NADK2: variants seen among roughly 807,000 people sequenced by gnomAD.
NADK2 encodes the protein NAD kinase 2, mitochondrial, also known as NAD kinase domain-containing protein 1, mitochondrial.
NADK2 carries 35 observed loss-of-function variants against 62.1 expected under a neutral mutation model. That is an observed-to-expected ratio of 0.56 (90% CI 0.43 to 0.75). The LOEUF is 0.75. NADK2 is among the 30% of genes least tolerant of loss of function. The probability of loss-of-function intolerance (pLI) is 0.00; values close to 1 mark genes in which losing one functional copy is unlikely to be tolerated. For synonymous variants in NADK2, 205 were observed against 207.9 expected, an observed-to-expected ratio of 0.99 and a Z score of 0.12; for missense variants, 439 against 561.3, an observed-to-expected ratio of 0.78 and a Z score of 2.20.
chr5:36,209,587 T>G (rs1003953742), intron 7 of NADK2, among the ~76,000 whole-genome samples: 13 of 152,232 alleles, frequency 8.5e-5, no homozygotes, highest in East Asian at 5.8e-4. Flanking sequence ...ATAACTAGAT[T>G]GTATCAGTAG....
chr5:36,241,032 G>A lies in NADK2; in HGVS notation c.300+467C>T, dbSNP rs965215298. On this transcript the variant is annotated intron_variant, in intron 1 of 11. Coordinates refer to ENST00000381937, the MANE Select transcript of NADK2 (RefSeq NM_001085411.3). The surrounding 1 kb of genome is among the most constrained non-coding windows in gnomAD (Gnocchi z 4.9). ...GCGGTTGTTTCGGCCCTTTTCCCCC[G>A]GCAGCCCTCAGCGGCGCCCTGGGCC... Among the ~76,000 whole-genome samples, 2 of 152,138 alleles carry A rather than the reference G, an allele frequency of 1.3e-5. No homozygotes were observed. The highest frequency in any genetic ancestry group is 1.5e-5 in the Non-Finnish European group (1 of 68,012).
intron 6 of NADK2, among the ~76,000 whole-genome samples, chr5:36,212,482 T>C (rs767677820): frequency 5.3e-5 from 8 of 152,194 alleles, no homozygotes; most frequent in Non-Finnish European, 1.0e-4. Flanking sequence ...TAGGGTTGTG[T>C]GCACAGTTAA....
Position 36,241,923 on chromosome 5 carries a change from T to C in NADK2, c.-125A>G, listed in dbSNP as rs1433863565. ...TCGCGCCGGACGGGCAGAGGTTAAG[T>C]GCCAGGACGTGCGTGGCCCACGCGG... is the stretch of plus-strand genomic sequence containing the variant. On this transcript the variant is annotated 5_prime_UTR_variant, in exon 1 of 12. Transcript: ENST00000381937. This position sits in a 1 kb window ranked among gnomAD's most constrained non-coding sequence, Gnocchi z 4.9. The C allele has an allele frequency of 2.5e-6, 2 of 797,600 alleles. No homozygotes were observed. Among genetic ancestry groups the C allele is most frequent in the Admixed American group, 5.6e-5 (1 of 17,810 alleles). The allele number at this position is 797,600 out of a possible 1,614,324, so 49.4% of individuals were successfully genotyped here. A position where few individuals can be genotyped will look rare whatever the true frequency, so the allele number is the denominator to read the frequency against.
chr5:36,197,913 T>TG (rs1003582750), intron 10 of NADK2, among the ~76,000 whole-genome samples: 12 of 151,718 alleles, frequency 7.9e-5, no homozygotes, highest in African/African-American at 2.9e-4. Flanking sequence ...TAGGTACAAC[T>TG]GGGGAAAAAG....
Position 36,241,631 on chromosome 5 carries a change from C to A in NADK2, c.168G>T (p.Ala56=), listed in dbSNP as rs1748130103. The change falls in exon 1 of 12, where the codon GCG becomes GCT. Residue 56 remains alanine, a synonymous_variant. Transcript: ENST00000381937. This position sits in a 1 kb window ranked among gnomAD's most constrained non-coding sequence, Gnocchi z 4.9. ...CGCCGTCCGCGCGGCTGCCACAGCC[C>A]GCCAGCTCGCGCGGCTGCCCCTGCC... The part of the protein sequence containing the change: ...HLGQGQPREL[A]GCGSRADGGF... 2 of 1,461,196 alleles carry A rather than the reference C, an allele frequency of 1.4e-6. No individual in the cohort carries two copies. Among genetic ancestry groups the A allele is most frequent in the Non-Finnish European group, 1.8e-6 (2 of 1,110,910 alleles). 90.5% of individuals were successfully genotyped at this position (1,461,196 alleles called of 1,614,324 possible).
Position 36,200,734 on chromosome 5 carries a change from T to C in NADK2, c.1012+372A>G, listed in dbSNP as rs115538140. 4.4e-3 allele frequency among the ~76,000 whole-genome samples: 668 copies of C among 152,124 alleles called. 7 individuals carry two copies. The highest frequency in any genetic ancestry group is 0.015 in the African/African-American group (630 of 41,524). ...ACTGGCCCATTAGTCACTTAGTAGC[T>C]GACTTGGTTATTAGATCGACTGTCA... On this transcript the variant is annotated intron_variant, in intron 9 of 11. Transcript: ENST00000381937.
chr5:36,227,945 T>G (rs1437477095), intron 1 of NADK2, among the ~76,000 whole-genome samples: 1 of 151,508 alleles, frequency 6.6e-6, no homozygotes, highest in Non-Finnish European at 1.5e-5. Context: ...CCCTGGTTCA[T>G]GCCATTCTCC....
intron 4 of NADK2, among the ~76,000 whole-genome samples, chr5:36,220,384 T>C (rs1457831152): frequency 6.6e-6 from 1 of 151,810 alleles, no homozygotes; most frequent in South Asian, 2.1e-4. Flanking sequence ...TGAGAGTATG[T>C]GGCACCTAAA....
intron 1 of NADK2, among the ~76,000 whole-genome samples, chr5:36,240,223 A>C (rs1440228005): frequency 1.3e-5 from 2 of 152,202 alleles, no homozygotes; most frequent in Non-Finnish European, 2.9e-5. Flanking sequence ...TGTATTCTAT[A>C]AACAGTCATT....
At chr5:36,219,742 A>T in intron 4 of NADK2, 63 bp from the exon 5 acceptor site, 1 of 1,250,368 alleles carries the variant, frequency 8.0e-7, no homozygotes. Context: ...GAAGCAAAAA[A>T]ATTTAATCAA....
At chr5:36,208,562 T>G (rs1197850429) in intron 7 of NADK2, 22 of 1,127,866 alleles carry the variant, frequency 2.0e-5, no homozygotes, top group Middle Eastern at 2.0e-4. Flanking sequence ...TTATCAAGAT[T>G]AGTCAGTTCA....
In NADK2 at chr5:36,201,110, A is replaced by G. The variant is rs1321297708; in HGVS notation, c.1008T>C (p.Asn336=). Residue 336 remains asparagine, a synonymous_variant, in exon 9 of 12, where the codon AAT becomes AAC. Coordinates refer to ENST00000381937, the MANE Select transcript of NADK2 (RefSeq NM_001085411.3). ...AATAGCTGTTTTGGTACTCACCAATATTTAAAACATCTTCTACAGCCTGAG... is the reference window on the plus strand; with the variant it reads ...AATAGCTGTTTTGGTACTCACCAATGTTTAAAACATCTTCTACAGCCTGAG... The part of the protein sequence containing the change: ...VATQAVEDVL[N]IAKRQGNLSL... 12 of 1,612,354 alleles carry G rather than the reference A, an allele frequency of 7.4e-6. No homozygotes were observed. The highest frequency in any genetic ancestry group is 1.0e-5 in the Non-Finnish European group (12 of 1,178,930).
At chr5:36,223,040 T>C (rs1016680813) in intron 4 of NADK2, among the ~76,000 whole-genome samples, 3 of 152,142 alleles carry the variant, frequency 2.0e-5, no homozygotes, top group African/African-American at 7.2e-5. Context: ...GGCCAGATAA[T>C]GTACAGCCTG....
rs1364923133 is a variant in NADK2 at position 36,219,576 on chromosome 5, C to A, written c.644+20G>T. 6.3e-7 allele frequency: 1 copy of A among 1,597,886 alleles called. No individual in the cohort carries two copies. Among genetic ancestry groups the A allele is most frequent in the South Asian group, 1.1e-5 (1 of 90,484 alleles). ...ACTTATTAAGATACTTACATAAGAA[C>A]AACCGTAAGAAATTCCTACCTGAAC... is the stretch of plus-strand genomic sequence containing the variant. On this transcript the variant is annotated intron_variant, in intron 5 of 11. Coordinates refer to ENST00000381937, the MANE Select transcript of NADK2 (RefSeq NM_001085411.3).
At chr5:36,221,615 T>C (rs531117362) in intron 4 of NADK2, 6 of 152,336 alleles carry the variant, frequency 3.9e-5, no homozygotes, top group African/African-American at 1.4e-4. Context: ...CAATTTAACA[T>C]ATCTGCCTGG....
At chr5:36,214,403 C>T (rs1746967336) in intron 6 of NADK2, among the ~76,000 whole-genome samples, 1 of 152,206 alleles carries the variant, frequency 6.6e-6, no homozygotes, top group African/African-American at 2.4e-5. Context: ...TGGTCTCAAA[C>T]TCCTGACCTC....
rs138446684 is a variant in NADK2 at position 36,200,383 on chromosome 5, T to TTA, written c.1013-105_1013-104dup. ...GAAAAATGCTTAAAGTGTATATGTG[T>TTA]TATATATATATATGTTATTATGTAA... On this transcript the variant is annotated intron_variant, in intron 9 of 11. Transcript: ENST00000381937. 1,239 of 496,766 alleles carry TTA rather than the reference T, an allele frequency of 2.5e-3. 10 individuals are homozygous for TTA. Among genetic ancestry groups the TTA allele is most frequent in the African/African-American group, 0.02 (989 of 48,452 alleles). 30.8% of individuals were successfully genotyped at this position (496,766 alleles called of 1,614,324 possible). A position where few individuals can be genotyped will look rare whatever the true frequency, so the allele number is the denominator to read the frequency against.
intron 1 of NADK2, among the ~76,000 whole-genome samples, chr5:36,231,170 A>G (rs1330533212): frequency 6.6e-6 from 1 of 152,210 alleles, no homozygotes; most frequent in Non-Finnish European, 1.5e-5. Flanking sequence ...GGCAAGCCCC[A>G]GGAAAATAAG....
intron 1 of NADK2, among the ~76,000 whole-genome samples, chr5:36,240,997 G>C (rs1160406022): frequency 1.3e-5 from 2 of 152,294 alleles, no homozygotes; most frequent in South Asian, 2.1e-4. Flanking sequence ...GAGTAAAAGG[G>C]GGTGTGTCCG....
Sources: gnomAD v4.1 joint callset for allele counts (sites outside exome capture counted in the v4.1 genomes callset) on GRCh38, gnomAD v4.1.1 for gene constraint, Gnocchi (gnomAD v3.1) non-coding constraint, MANE v1.5 for transcripts, NCBI Gene and HGNC (gene_info 2026-07-23, HGNC 2026-07-21) for gene names.